The following RESF1 variants were observed in gnomAD, a reference collection of about 807,000 sequenced individuals.
The protein encoded by RESF1 is retroelement silencing factor 1, also known as gonad expressed transcript.
RESF1 carries 65 observed loss-of-function variants against 134.7 expected under a neutral mutation model. That is an observed-to-expected ratio of 0.48 (90% CI 0.40 to 0.59). The LOEUF (loss-of-function observed/expected upper bound fraction) is 0.59. Ranked by LOEUF, RESF1 falls within the 20% of genes least tolerant of loss-of-function variation. The probability of loss-of-function intolerance (pLI) is 0.00; values close to 1 mark genes in which losing one functional copy is unlikely to be tolerated. For missense variants in RESF1, 2,274 were observed against 2,002.7 expected (o/e 1.14, Z -2.59); for synonymous variants, 762 against 702.2 (o/e 1.09, Z -1.35).
intron 2 of RESF1, among the ~76,000 whole-genome samples, chr12:31,968,323 C>T (rs1163661354): frequency 6.6e-6 from 1 of 152,074 alleles, no homozygotes; most frequent in Non-Finnish European, 1.5e-5. Flanking sequence ...TTTCTTAAGT[C>T]CTACGTCTTT....
At chr12:31,992,329 C>A in intron 5 of RESF1, 49 bp from the exon 6 acceptor site, 1 of 1,458,118 alleles carries the variant, frequency 6.9e-7, no homozygotes, top group Non-Finnish European at 9.5e-7. Context: ...ATATATTGAT[C>A]ACAGCTAACA....
intron 5 of RESF1, among the ~76,000 whole-genome samples, chr12:31,991,345 C>T (rs1446932763): frequency 2.0e-5 from 3 of 152,184 alleles, no homozygotes; most frequent in African/African-American, 4.8e-5. Context: ...TCTGGGGCTT[C>T]AGTGTTACTA....
At chr12:31,960,406 A>T (rs1421015280) in intron 1 of RESF1, among the ~76,000 whole-genome samples, 1 of 152,138 alleles carries the variant, frequency 6.6e-6, no homozygotes, top group African/African-American at 2.4e-5. Flanking sequence ...TGTTAGCTTT[A>T]ATCATGTTTC....
Position 31,982,042 on chromosome 12 carries a change from ACT to A in RESF1, c.1090_1091del (p.Leu364CysfsTer4), listed in dbSNP as rs772412492. 2 of 1,614,144 alleles carry A rather than the reference ACT, an allele frequency of 1.2e-6. No homozygotes were observed. The highest frequency in any genetic ancestry group is 1.7e-6 in the Non-Finnish European group (2 of 1,180,030). On this transcript the variant is annotated frameshift_variant, in exon 4 of 6. Transcript: ENST00000312561. LOFTEE classifies it high-confidence loss of function. ...PIRSSVDGVQ[T>X]LAQTNEEKIM... ...TAGATCTTCTGTGGATGGTGTTCAGACTCTTGCTCAAACTAATGAAGAGAAAA... is the reference window on the plus strand; with the variant it reads ...TAGATCTTCTGTGGATGGTGTTCAGACTTGCTCAAACTAATGAAGAGAAAA...
intron 3 of RESF1, among the ~76,000 whole-genome samples, chr12:31,976,154 A>G (rs1939625580): frequency 6.6e-6 from 1 of 152,154 alleles, no homozygotes; most frequent in Non-Finnish European, 1.5e-5. Context: ...GTTTTCATTT[A>G]CATTTCTGAT....
At chr12:31,976,360 AAC>A (rs1400601697) in intron 3 of RESF1, among the ~76,000 whole-genome samples, 1 of 152,210 alleles carries the variant, frequency 6.6e-6, no homozygotes, top group Admixed American at 6.5e-5. Flanking sequence ...ACAGTTGATA[AAC>A]ACATATTTTG....
intron 5 of RESF1, among the ~76,000 whole-genome samples, chr12:31,989,240 T>TA (rs1487567352): frequency 1.7e-4 from 25 of 149,492 alleles, no homozygotes; most frequent in African/African-American, 5.9e-4. Flanking sequence ...ACTGAAAATA[T>TA]AAAAAATAAG....
At chr12:31,966,557 C>T (rs1469673484) in intron 2 of RESF1, among the ~76,000 whole-genome samples, 1 of 152,184 alleles carries the variant, frequency 6.6e-6, no homozygotes, top group Non-Finnish European at 1.5e-5. Flanking sequence ...TGTGTGATTG[C>T]CAGCACTTCA....
In RESF1 at chr12:31,982,771, A is replaced by C; in HGVS notation, c.1816A>C (p.Ile606Leu). The C allele has an allele frequency of 6.2e-7, 1 of 1,614,138 alleles. No individual in the cohort carries two copies. Among genetic ancestry groups the C allele is most frequent in the African/African-American group, 1.3e-5 (1 of 75,074 alleles). Reference sequence around the variant, plus strand: ...AGTATTAAAAGATGCTAATCAAACTATTCAGGATTCTAAACCAGACAGTTG... The same window carrying C: ...AGTATTAAAAGATGCTAATCAAACTCTTCAGGATTCTAAACCAGACAGTTG... Reference protein sequence around the residue: ...KTVLKDANQTIQDSKPDSCEM... With the variant: ...KTVLKDANQTLQDSKPDSCEM... The change falls in exon 4 of 6, where the codon ATT becomes CTT. Residue 606 changes from isoleucine to leucine, a missense_variant. Physicochemically the swap from Ile to Leu is conservative, Grantham distance 5. Coordinates refer to ENST00000312561, the MANE Select transcript of RESF1 (RefSeq NM_018169.4).
At position 31,985,545 on chromosome 12, in the gene RESF1, C is replaced by A. The variant is rs892794864; in HGVS notation, c.4590C>A (p.Tyr1530Ter). ...KIHHSQESKT[Y>*]NILRNVKEKV... is the part of the protein sequence containing the mutation. ...ACCATTCTCAGGAGTCTAAAACATACAACATTCTAAGGAATGTTAAAGAAA... is the reference window on the plus strand; with the variant it reads ...ACCATTCTCAGGAGTCTAAAACATAAAACATTCTAAGGAATGTTAAAGAAA... Residue 1530 changes from tyrosine (Y) to a stop codon, truncating the protein, a stop_gained, in exon 4 of 6, where the codon TAC (tyrosine) becomes TAA (stop). Coordinates refer to ENST00000312561, the MANE Select transcript of RESF1 (RefSeq NM_018169.4). LOFTEE classifies it high-confidence loss of function. 3.8e-6 allele frequency: 6 copies of A among 1,597,786 alleles called. No homozygotes were observed. Among genetic ancestry groups the A allele is most frequent in the Non-Finnish European group, 4.3e-6 (5 of 1,175,326 alleles).
rs768610201 is a variant in RESF1 at position 31,981,787 on chromosome 12, C to T, written c.832C>T (p.Pro278Ser). ...QYATQTDKRP[P>S]PPPYNCRYGS... ...TGCCACGCAAACTGACAAAAGACCT[C>T]CTCCTCCTCCTTACAACTGTAGATA... is the stretch of plus-strand genomic sequence containing the variant. Residue 278 changes from proline to serine, a missense_variant, in exon 4 of 6, where the codon CCT becomes TCT. Transcript: ENST00000312561. 1 of 1,613,286 alleles carries T rather than the reference C, an allele frequency of 6.2e-7. No individual in the cohort carries two copies. The highest frequency in any genetic ancestry group is 1.7e-5 in the Admixed American group (1 of 59,960).
At position 31,992,368 on chromosome 12, in the gene RESF1, T is replaced by C. The variant is rs1940111084; in HGVS notation, c.5087-10T>C. 1 of 1,596,192 alleles carries C rather than the reference T, an allele frequency of 6.3e-7. No homozygotes were observed. Among genetic ancestry groups the C allele is most frequent in the Non-Finnish European group, 8.5e-7 (1 of 1,171,776 alleles). ...AGAAATAAAGTAAGTAAAGTTTTTA[T>C]TTCCCTTAGATAATGTTAATTCAAG... On this transcript the variant is annotated splice_polypyrimidine_tract_variant and intron_variant, in intron 5 of 5. Coordinates refer to ENST00000312561, the MANE Select transcript of RESF1 (RefSeq NM_018169.4).
chr12:31,988,408 T>G (rs1303789788), intron 5 of RESF1, among the ~76,000 whole-genome samples: 1 of 152,224 alleles, frequency 6.6e-6, no homozygotes, highest in Non-Finnish European at 1.5e-5. Flanking sequence ...TTACATAGCA[T>G]TTACATTGTA....
In RESF1 at chr12:31,985,204, A is replaced by G; in HGVS notation, c.4249A>G (p.Arg1417Gly). Residue 1417 changes from arginine (R) to glycine (G), a missense_variant, in exon 4 of 6, where the codon AGA becomes GGA. Arg to Gly is a moderately radical substitution (Grantham distance 125). Transcript: ENST00000312561. Reference protein sequence around the residue: ...LGDSLSNPNERAIVKEKMVSN... With the variant: ...LGDSLSNPNEGAIVKEKMVSN... Reference sequence around the variant, plus strand: ...TGACTCTTTGTCAAACCCAAACGAAAGAGCCATTGTTAAAGAAAAGATGGT... The same window carrying G: ...TGACTCTTTGTCAAACCCAAACGAAGGAGCCATTGTTAAAGAAAAGATGGT... The G allele has an allele frequency of 6.3e-7, 1 of 1,580,628 alleles. No homozygotes were observed. Among genetic ancestry groups the G allele is most frequent in the African/African-American group, 1.4e-5 (1 of 73,024 alleles).
In RESF1 at chr12:31,980,273, C is replaced by T. The variant is rs368103942; in HGVS notation, c.-78-605C>T. Among the ~76,000 whole-genome samples the T allele has an allele frequency of 2.6e-4, 40 of 151,808 alleles. No homozygotes were observed. In the South Asian group the frequency reaches 4.8e-3, roughly 18 times the overall value. On this transcript the variant is annotated intron_variant, in intron 3 of 5. Coordinates refer to ENST00000312561, the MANE Select transcript of RESF1 (RefSeq NM_018169.4). ...ATTACAGGTGTGCACCACCACACCC[C>T]GCTAATTTTTGTATTTTTAGTAAAG...
At position 31,982,573 on chromosome 12, in the gene RESF1, A is replaced by AAAT; in HGVS notation, c.1619_1620insATA (p.Asn540delinsLysTyr). On this transcript the variant is annotated protein_altering_variant, in exon 4 of 6. Coordinates refer to ENST00000312561, the MANE Select transcript of RESF1 (RefSeq NM_018169.4). The stretch of plus-strand genomic sequence containing the variant: ...TGTTGAGATGACCCAGGCAGTATTG[A>AAAT]ATACTCAGCTTTCATCAGAAAATGT... 6.2e-7 allele frequency: 1 copy of AAAT among 1,613,948 alleles called. No individual in the cohort carries two copies. Among genetic ancestry groups the AAAT allele is most frequent in the African/African-American group, 1.3e-5 (1 of 75,060 alleles).
In RESF1 at chr12:31,982,367, C is replaced by CAGT. The variant is rs1342965189; in HGVS notation, c.1416_1418dup (p.Val473dup). ...GAGAATGCAGAGAGACAAACACCAACAGTAGTGGAATCTGCAGAAACAAAT... is the reference window on the plus strand; with the variant it reads ...GAGAATGCAGAGAGACAAACACCAACAGTAGTAGTGGAATCTGCAGAAACAAAT... On this transcript the variant is annotated inframe_insertion, in exon 4 of 6. Transcript: ENST00000312561. 9 of 1,613,922 alleles carry CAGT rather than the reference C, an allele frequency of 5.6e-6. No individual in the cohort carries two copies. The South Asian group carries it at 9.9e-5, about 18-fold the overall frequency.
At position 31,985,389 on chromosome 12, in the gene RESF1, T is replaced by A. The variant is rs766017539; in HGVS notation, c.4434T>A (p.His1478Gln). Residue 1478 changes from histidine (H) to glutamine (Q), a missense_variant, in exon 4 of 6, where the codon CAT becomes CAA. By Grantham distance (24) the His-to-Gln change is conservative (BLOSUM62 0). Coordinates refer to ENST00000312561, the MANE Select transcript of RESF1 (RefSeq NM_018169.4). ...AAAACGTGCCATGTGATTCTGAACA[T>A]ATGAGACCAAGTAAACTTGCCGTGC... The part of the protein sequence containing the change: ...CVKNVPCDSE[H>Q]MRPSKLAVQV... 1 of 1,605,144 alleles carries A rather than the reference T, an allele frequency of 6.2e-7. No homozygotes were observed. Among genetic ancestry groups the A allele is most frequent in the East Asian group, 2.2e-5 (1 of 44,842 alleles).
chr12:31,983,708 T>G lies in RESF1; in HGVS notation c.2753T>G (p.Leu918Trp). 6.2e-7 allele frequency: 1 copy of G among 1,613,832 alleles called. No individual in the cohort carries two copies. The highest frequency in any genetic ancestry group is 8.5e-7 in the Non-Finnish European group (1 of 1,180,020). Residue 918 changes from leucine (L) to tryptophan (W), a missense_variant, in exon 4 of 6, where the codon TTG becomes TGG. Coordinates refer to ENST00000312561, the MANE Select transcript of RESF1 (RefSeq NM_018169.4). ...GCAAAGATATTCAGCTCTCTTCCCT[T>G]GAAAATGGTTGAGCCACAGAAACCT... ...QIAKIFSSLP[L>W]KMVEPQKPSL... is the part of the protein sequence containing the mutation.
Sources: allele counts gnomAD v4.1 joint callset (sites outside exome capture counted in the v4.1 genomes callset), GRCh38; gene constraint gnomAD v4.1.1; transcripts MANE v1.5; gene names NCBI Gene and HGNC (gene_info 2026-07-23, HGNC 2026-07-21).